Variants in GRXCR1 observed in about 807,000 individuals in gnomAD.
GRXCR1 encodes glutaredoxin and cysteine rich domain containing 1, also known as glutaredoxin domain-containing cysteine-rich protein 1.
GRXCR1 carries 27 observed loss-of-function variants against 27.3 expected under a neutral mutation model. The ratio of observed to expected loss-of-function variants is 0.99; its 90% CI spans 0.73 to 1.37. The LOEUF (loss-of-function observed/expected upper bound fraction) is 1.37, where lower values mean the gene tolerates loss of function less well. Ranked by LOEUF, GRXCR1 falls within the 40% of genes most tolerant of loss-of-function variation. The pLI is 0.00. For synonymous variants in GRXCR1, 122 were observed against 131.1 expected (o/e 0.93, Z 0.47); for missense variants, 379 against 354.4 (o/e 1.07, Z -0.56).
chr4:43,027,876 G>A (rs1713305046), intron 3 of GRXCR1, among the ~76,000 whole-genome samples: 1 of 152,134 alleles, frequency 6.6e-6, no homozygotes, highest in African/African-American at 2.4e-5. Flanking sequence ...TTGGGAGGCC[G>A]AGGTGGGTGG....
At chr4:42,921,557 T>C (rs1747011108) in intron 1 of GRXCR1, among the ~76,000 whole-genome samples, 1 of 152,086 alleles carries the variant, frequency 6.6e-6, no homozygotes, top group Non-Finnish European at 1.5e-5. Context: ...GTGTACTATG[T>C]ATATATAGAT....
intron 1 of GRXCR1, among the ~76,000 whole-genome samples, chr4:42,936,840 G>C (rs555528591): frequency 2.0e-5 from 3 of 151,982 alleles, no homozygotes; most frequent in Admixed American, 6.6e-5. Flanking sequence ...CAGAAGTAAT[G>C]CTTCATTTTT....
intron 2 of GRXCR1, among the ~76,000 whole-genome samples, chr4:42,982,830 G>GT (rs1230078642): frequency 4.6e-5 from 7 of 150,566 alleles, no homozygotes; most frequent in Admixed American, 4.0e-4. Context: ...TTTTTCATGT[G>GT]TTTTTTGGCT....
chr4:42,894,820 AGATGT>A (rs1267540660), intron 1 of GRXCR1, among the ~76,000 whole-genome samples: 4 of 152,094 alleles, frequency 2.6e-5, no homozygotes, highest in Non-Finnish European at 5.9e-5. Context: ...CAGTTTCTAG[AGATGT>A]GATTATTTGG....
At position 43,030,451 on chromosome 4, in the gene GRXCR1, C is replaced by G. The variant is rs761349153; in HGVS notation, c.784C>G (p.Arg262Gly). 2.5e-6 allele frequency: 4 copies of G among 1,613,992 alleles called. No individual in the cohort carries two copies. Among genetic ancestry groups the G allele is most frequent in the Non-Finnish European group, 3.4e-6 (4 of 1,179,956 alleles). The change falls in exon 4 of 4, where the codon CGA becomes GGA. Residue 262 changes from arginine (R) to glycine (G), a missense_variant. Physicochemically the swap from Arg to Gly is moderately radical, Grantham distance 125. Coordinates refer to ENST00000399770, the MANE Select transcript of GRXCR1 (RefSeq NM_001080476.3). ...CCATGGGAGCAAGATGTCCATGTTT[C>G]GAAACTGCTTCACAGACTCTTTCAA... ...VCHGSKMSMF[R>G]NCFTDSFKAL... is the part of the protein sequence containing the mutation.
At chr4:42,993,832 G>A (rs963630096) in intron 2 of GRXCR1, among the ~76,000 whole-genome samples, 1 of 152,076 alleles carries the variant, frequency 6.6e-6, no homozygotes, top group Non-Finnish European at 1.5e-5. Flanking sequence ...TTACTTATTA[G>A]GATCCAAATA....
At chr4:42,894,064 G>T (rs1428814554) in intron 1 of GRXCR1, among the ~76,000 whole-genome samples, 1 of 152,068 alleles carries the variant, frequency 6.6e-6, no homozygotes, top group Non-Finnish European at 1.5e-5. Context: ...AGAAAATGTT[G>T]AGTGCATGAA....
chr4:43,015,010 A>AAACC (rs1712888438), intron 2 of GRXCR1, among the ~76,000 whole-genome samples: 1 of 152,186 alleles, frequency 6.6e-6, no homozygotes, highest in Non-Finnish European at 1.5e-5. Context: ...TGAGCAGGTG[A>AAACC]CATTTAAATT....
chr4:42,977,666 T>A (rs957548008), intron 2 of GRXCR1, among the ~76,000 whole-genome samples: 2 of 152,008 alleles, frequency 1.3e-5, no homozygotes, highest in African/African-American at 2.4e-5. Flanking sequence ...TTAAAAAAAA[T>A]TGTTGAGTTT....
In GRXCR1 at chr4:42,964,742, AG is replaced by A. The variant is rs138284174; in HGVS notation, c.627+1610del. 4.4e-3 allele frequency among the ~76,000 whole-genome samples: 674 copies of A among 152,164 alleles called. 6 individuals are homozygous for A. Among genetic ancestry groups the A allele is most frequent in the African/African-American group, 0.015 (635 of 41,544 alleles). ...CTGGTATAGTTTTAGGACCACAAAC[AG>A]GTCTTAATGCAAAGTAAGTTTTCAA... On this transcript the variant is annotated intron_variant, in intron 2 of 3. Coordinates refer to ENST00000399770, the MANE Select transcript of GRXCR1 (RefSeq NM_001080476.3).
chr4:42,966,575 ACT>A (rs1748242369), intron 2 of GRXCR1, among the ~76,000 whole-genome samples: 1 of 152,098 alleles, frequency 6.6e-6, no homozygotes, highest in Admixed American at 6.6e-5. Context: ...TCTAAGGAAC[ACT>A]CACAAAATTT....
At chr4:42,981,836 T>C (rs551314544) in intron 2 of GRXCR1, among the ~76,000 whole-genome samples, 2 of 152,334 alleles carry the variant, frequency 1.3e-5, no homozygotes, top group East Asian at 3.9e-4. Context: ...ATTTGCTTAT[T>C]TTCTTTTGCT....
chr4:42,968,784 T>G (rs1203349923), intron 2 of GRXCR1, among the ~76,000 whole-genome samples: 1 of 152,114 alleles, frequency 6.6e-6, no homozygotes, highest in East Asian at 1.9e-4. Flanking sequence ...TTTTTTTTTA[T>G]TTTTTCAGGA....
chr4:42,932,618 A>ATATG (rs1560654355), intron 1 of GRXCR1, among the ~76,000 whole-genome samples: 1 of 34,470 alleles, frequency 2.9e-5, no homozygotes, highest in Non-Finnish European at 5.6e-5. Context: ...ATATATATAT[A>ATATG]TAGAGAGAGA....
chr4:42,997,173 T>C (rs1022334719), intron 2 of GRXCR1, among the ~76,000 whole-genome samples: 48 of 152,224 alleles, frequency 3.2e-4, no homozygotes, highest in African/African-American at 9.6e-4. Flanking sequence ...ATAGGTAAGA[T>C]ACATTTGGGG....
At chr4:42,943,754 T>C (rs1747678239) in intron 1 of GRXCR1, among the ~76,000 whole-genome samples, 3 of 152,086 alleles carry the variant, frequency 2.0e-5, no homozygotes, top group Admixed American at 2.0e-4. Context: ...GATATTGCCC[T>C]AGGTCAGTGG....
At chr4:43,004,281 A>G (rs1025995226) in intron 2 of GRXCR1, among the ~76,000 whole-genome samples, 5 of 152,238 alleles carry the variant, frequency 3.3e-5, no homozygotes, top group East Asian at 1.9e-4. Context: ...CAGAGGAAGT[A>G]TGGAAACACC....
chr4:42,929,673 C>T lies in GRXCR1; in HGVS notation c.385-33219C>T, dbSNP rs79762409. ...CTACTTAAAGTCACACAAGTGTAGG[C>T]TGCCTGAGCCTCTCAAAATGGGTCT... On this transcript the variant is annotated intron_variant, in intron 1 of 3. Coordinates refer to ENST00000399770, the MANE Select transcript of GRXCR1 (RefSeq NM_001080476.3). Among the ~76,000 whole-genome samples, 1,098 of 151,918 alleles carry T rather than the reference C, an allele frequency of 7.2e-3. 12 individuals are homozygous for T. The highest frequency in any genetic ancestry group is 0.024 in the African/African-American group (1,015 of 41,476).
intron 3 of GRXCR1, among the ~76,000 whole-genome samples, chr4:43,023,899 A>G (rs934019495): frequency 6.6e-6 from 1 of 152,196 alleles, no homozygotes; most frequent in Non-Finnish European, 1.5e-5. Context: ...TTTTTGGTAA[A>G]TGATATTTAT....
Sources: allele counts gnomAD v4.1 joint callset (sites outside exome capture counted in the v4.1 genomes callset), GRCh38; gene constraint gnomAD v4.1.1; transcripts MANE v1.5; gene names NCBI Gene and HGNC (gene_info 2026-07-23, HGNC 2026-07-21).